The following GPM6A variants were observed in gnomAD, a reference collection of about 807,000 sequenced individuals.
The protein encoded by GPM6A is glycoprotein M6A, also known as neuronal membrane glycoprotein M6-a.
Under a neutral mutation model 32.1 loss-of-function variants are expected in GPM6A, and 7 were observed. The ratio of observed to expected loss-of-function variants is 0.22; its 90% CI spans 0.12 to 0.41. The LOEUF (loss-of-function observed/expected upper bound fraction) is 0.41, where lower values mean the gene tolerates loss of function less well. Ranked by LOEUF, GPM6A falls within the 10% of genes least tolerant of loss-of-function variation. The pLI is 1.00. For missense variants in GPM6A, 235 were observed against 347.2 expected, an observed-to-expected ratio of 0.68 and a Z score of 2.57; for synonymous variants, 130 against 123.4, an observed-to-expected ratio of 1.05 and a Z score of -0.35.
At chr4:175,859,941 A>G (rs1736523948) in intron 1 of GPM6A, among the ~76,000 whole-genome samples, 1 of 152,120 alleles carries the variant, frequency 6.6e-6, no homozygotes, top group African/African-American at 2.4e-5. Flanking sequence ...TACATTTCTA[A>G]AGGACACATG....
chr4:175,891,284 T>C (rs1737640429), intron 1 of GPM6A, among the ~76,000 whole-genome samples: 1 of 152,232 alleles, frequency 6.6e-6, no homozygotes, highest in South Asian at 2.1e-4. Context: ...TGTCATTTCC[T>C]CTTCCCAGCT....
chr4:175,783,434 G>A (rs1317737333), intron 1 of GPM6A, among the ~76,000 whole-genome samples: 3 of 151,822 alleles, frequency 2.0e-5, no homozygotes, highest in Non-Finnish European at 4.4e-5. Flanking sequence ...AGGAAATTCA[G>A]TATTTGTGGA....
At position 175,640,782 on chromosome 4, in the gene GPM6A, T is replaced by C. The variant is rs1339634091; in HGVS notation, c.589A>G (p.Asn197Asp). 13 of 1,610,282 alleles carry C rather than the reference T, an allele frequency of 8.1e-6. No individual in the cohort carries two copies. The highest frequency in any genetic ancestry group is 1.0e-5 in the Non-Finnish European group (12 of 1,176,968). Reference sequence around the variant, plus strand: ...GTAGATTCGCACATCCTCAAGAAATTCTCAGAGACAGTACAAATTTTCTTT... The same window carrying C: ...GTAGATTCGCACATCCTCAAGAAATCCTCAGAGACAGTACAAATTTTCTTT... ...EEKKICTVSE[N>D]FLRMCESTEL... The change falls in exon 5 of 7, where the codon AAT becomes GAT. Residue 197 changes from asparagine to aspartate, a missense_variant. Asn to Asp is a conservative substitution (Grantham distance 23, BLOSUM62 1). Around this residue, in one of 3 missense-constraint regions of GPM6A, gnomAD observed 107 missense variants for 116.7 expected, o/e 0.92. Coordinates refer to ENST00000393658, the MANE Select transcript of GPM6A (RefSeq NM_201591.3).
At chr4:175,699,045 A>G (rs1744728927) in intron 2 of GPM6A, among the ~76,000 whole-genome samples, 1 of 152,196 alleles carries the variant, frequency 6.6e-6, no homozygotes, top group African/African-American at 2.4e-5. Context: ...TAATTCTATA[A>G]GTAAATTTAG....
intron 1 of GPM6A, among the ~76,000 whole-genome samples, chr4:175,732,960 C>T (rs1731496471): frequency 6.6e-6 from 1 of 152,240 alleles, no homozygotes; most frequent in African/African-American, 2.4e-5. Flanking sequence ...CCTAAGTCCA[C>T]ACAAATTGCA....
At chr4:175,647,496 T>A (rs753682533) in intron 4 of GPM6A, among the ~76,000 whole-genome samples, 2 of 152,224 alleles carry the variant, frequency 1.3e-5, no homozygotes, top group African/African-American at 2.4e-5. Context: ...CTATATCAAG[T>A]AATGTCTCTG....
chr4:175,724,706 T>C (rs1333967541), intron 1 of GPM6A, among the ~76,000 whole-genome samples: 1 of 152,096 alleles, frequency 6.6e-6, no homozygotes, highest in Non-Finnish European at 1.5e-5. Flanking sequence ...AAAACTGAGA[T>C]AGCTTGAGAG....
chr4:175,949,293 G>A (rs77676288), intron 1 of GPM6A, among the ~76,000 whole-genome samples: 3,435 of 152,080 alleles, frequency 0.023, 65 homozygotes, highest in African/African-American at 0.043. Flanking sequence ...TAAAAGTCAA[G>A]TTTGTTTATT....
At chr4:175,690,710 G>T (rs73002107) in intron 2 of GPM6A, among the ~76,000 whole-genome samples, 7,177 of 152,294 alleles carry the variant, frequency 0.047, 203 homozygotes, top group Non-Finnish European at 0.063. Flanking sequence ...ACACTTGTGT[G>T]GGGATTTGGG....
intron 2 of GPM6A, among the ~76,000 whole-genome samples, chr4:175,694,496 C>T (rs896325408): frequency 6.6e-6 from 1 of 152,202 alleles, no homozygotes; most frequent in Non-Finnish European, 1.5e-5. Context: ...AGAGGTTGGC[C>T]ACATTATGTC....
intron 3 of GPM6A, among the ~76,000 whole-genome samples, chr4:175,673,438 G>C (rs1423057857): frequency 6.6e-6 from 1 of 151,640 alleles, no homozygotes; most frequent in Admixed American, 6.6e-5. Flanking sequence ...TCAATCAACA[G>C]TGTTGCTACC....
chr4:175,817,971 T>C (rs1337731624), intron 1 of GPM6A, among the ~76,000 whole-genome samples: 1 of 152,182 alleles, frequency 6.6e-6, no homozygotes, highest in African/African-American at 2.4e-5. Context: ...CCCGTTAATA[T>C]TTACCCCCAA....
chr4:175,684,612 C>T (rs1743871660), intron 2 of GPM6A, among the ~76,000 whole-genome samples: 1 of 151,860 alleles, frequency 6.6e-6, no homozygotes, highest in African/African-American at 2.4e-5. Context: ...TCCAGTTGTT[C>T]CAACATCATT....
chr4:175,854,222 A>G (rs539727812), intron 1 of GPM6A, among the ~76,000 whole-genome samples: 33 of 152,326 alleles, frequency 2.2e-4, no homozygotes, highest in Non-Finnish European at 4.3e-4. Flanking sequence ...AAGGCAAACA[A>G]ATAAGAAGAA....
rs746117519 is a variant in GPM6A, at chr4:175,840,641, T to C, written c.-22-28392A>G. Among the ~76,000 whole-genome samples the C allele has an allele frequency of 1.4e-4, 22 of 152,272 alleles. No homozygotes were observed. The East Asian group carries it at 3.5e-3, about 24-fold the overall frequency. On this transcript the variant is annotated intron_variant, in intron 1 of 7. Transcript: ENST00000280187. ...GTGAGCCAAGATCGTGCCATTGCAC[T>C]CCAGCTGGAGACAACAAGAGCGAAA... is the stretch of plus-strand genomic sequence containing the variant.
intron 1 of GPM6A, among the ~76,000 whole-genome samples, chr4:175,818,914 T>C (rs559401615): frequency 1.3e-5 from 2 of 152,288 alleles, no homozygotes; most frequent in East Asian, 1.9e-4. Flanking sequence ...TAAATGCTGA[T>C]TACAGTAAGG....
intron 2 of GPM6A, among the ~76,000 whole-genome samples, chr4:175,693,152 G>A (rs545000220): frequency 4.0e-5 from 6 of 151,756 alleles, no homozygotes; most frequent in South Asian, 2.1e-4. Context: ...GCTCTGCTAT[G>A]CATTTCTAAA....
intron 1 of GPM6A, among the ~76,000 whole-genome samples, chr4:175,939,152 A>G (rs1739330075): frequency 6.6e-6 from 1 of 152,228 alleles, no homozygotes; most frequent in Non-Finnish European, 1.5e-5. Context: ...TCTAAATTAT[A>G]TCGATCACCC....
chr4:175,861,355 A>G (rs991916994), intron 1 of GPM6A, among the ~76,000 whole-genome samples: 2 of 151,614 alleles, frequency 1.3e-5, no homozygotes, highest in African/African-American at 4.8e-5. Context: ...TATATAAATT[A>G]TATAGCTACG....
Sources: gnomAD v4.1 joint callset for allele counts (sites outside exome capture counted in the v4.1 genomes callset) on GRCh38, gnomAD v4.1.1 for gene constraint, gnomAD v4.1.1 regional missense constraint, MANE v1.5 for transcripts, NCBI Gene and HGNC (gene_info 2026-07-23, HGNC 2026-07-21) for gene names.